POLR1E: variants seen among roughly 807,000 people sequenced by gnomAD.
The protein encoded by POLR1E is DNA-directed RNA polymerase I subunit RPA49.
A neutral mutation model predicts 50.9 loss-of-function variants in POLR1E; 37 were observed. That is an observed-to-expected ratio of 0.73 (90% CI 0.56 to 0.96). The LOEUF (loss-of-function observed/expected upper bound fraction) is 0.96. POLR1E is among the 40% of genes least tolerant of loss of function. POLR1E has a pLI of 0.00. For missense variants in POLR1E, 426 were observed against 518.1 expected (o/e 0.82, Z 1.73); for synonymous variants, 166 against 191.6 (o/e 0.87, Z 1.10).
intron 1 of POLR1E, chr9:37,486,408 C>T (rs913027905): frequency 6.6e-7 from 1 of 1,520,344 alleles, no homozygotes; most frequent in Non-Finnish European, 8.8e-7. Flanking sequence ...TCCCTCTCTT[C>T]ACTGGGCAGG....
chr9:37,500,295 C>T (rs1455681005), intron 9 of POLR1E, among the ~76,000 whole-genome samples: 2 of 151,954 alleles, frequency 1.3e-5, no homozygotes, highest in Admixed American at 6.6e-5. Context: ...AGCAATTGTC[C>T]TGCCTCAGCC....
Position 37,486,757 on chromosome 9 carries a change from A to G in POLR1E, c.131A>G (p.Tyr44Cys). ...CCAGGCAACATGCGCTTTACCTTGT[A>G]TGAGAACAAAGATTCCACCAACCCC... Reference protein sequence around the residue: ...QSPGNMRFTLYENKDSTNPRK... With the variant: ...QSPGNMRFTLCENKDSTNPRK... The change falls in exon 2 of 12, where the codon TAT becomes TGT. Residue 44 changes from tyrosine to cysteine, a missense_variant. Tyr to Cys is a radical substitution (Grantham distance 194, BLOSUM62 -2). Coordinates refer to ENST00000377798, the MANE Select transcript of POLR1E (RefSeq NM_022490.4). The G allele has an allele frequency of 1.2e-6, 2 of 1,614,146 alleles. No individual in the cohort carries two copies. Among genetic ancestry groups the G allele is most frequent in the Non-Finnish European group, 8.5e-7 (1 of 1,180,034 alleles).
intron 8 of POLR1E, 30 bp downstream of exon 8, chr9:37,496,016 G>A (rs367830004): frequency 1.3e-6 from 2 of 1,561,128 alleles, no homozygotes; most frequent in Admixed American, 3.3e-5. Flanking sequence ...TGGGGATTCT[G>A]GGGAGTGCTG....
chr9:37,486,600 A>C, intron 1 of POLR1E, 103 bp from the exon 2 acceptor site: 1 of 1,613,480 alleles, frequency 6.2e-7, no homozygotes, highest in African/African-American at 1.3e-5. Flanking sequence ...TGCCATCCCC[A>C]TTCTGACACT....
chr9:37,488,506 C>G (rs937956016), intron 3 of POLR1E, among the ~76,000 whole-genome samples: 4 of 151,462 alleles, frequency 2.6e-5, no homozygotes, highest in African/African-American at 9.7e-5. Flanking sequence ...ACAAACTAGG[C>G]CCTTTCTGAG....
chr9:37,500,754 G>C (rs1017561684), intron 9 of POLR1E, 86 bp from the exon 10 acceptor site: 7 of 1,043,856 alleles, frequency 6.7e-6, no homozygotes, highest in African/African-American at 3.1e-5. Flanking sequence ...CAGTGGCCCA[G>C]CTGTTGGCCT....
intron 4 of POLR1E, chr9:37,490,551 T>A (rs947161751): frequency 1.4e-6 from 1 of 731,944 alleles, no homozygotes; most frequent in African/African-American, 1.7e-5. Context: ...CTCTTTTGCT[T>A]CTGTCTTTTT....
chr9:37,486,656 T>G, intron 1 of POLR1E, 47 bp from the exon 2 acceptor site: 1 of 1,614,212 alleles, frequency 6.2e-7, no homozygotes, highest in Non-Finnish European at 8.5e-7. Context: ...TGTGGTACAT[T>G]GTGTGGCCTT....
chr9:37,489,220 A>G (rs1820633905), intron 3 of POLR1E, 95 bp from the exon 4 acceptor site: 6 of 959,114 alleles, frequency 6.3e-6, no homozygotes, highest in Non-Finnish European at 7.6e-6. Flanking sequence ...CCTGGGTGAC[A>G]GCAAGACTCT....
chr9:37,503,417 AG>A lies in POLR1E; in HGVS notation c.*217del. On this transcript the variant is annotated 3_prime_UTR_variant, in exon 12 of 12. Transcript: ENST00000377798. ...CATAGGGAGACCCCATCTCTACCGGAGGAAAAAAAAAAGAGTCAGGCCTGGT... is the reference window on the plus strand; with the variant it reads ...CATAGGGAGACCCCATCTCTACCGGAGAAAAAAAAAAGAGTCAGGCCTGGT... The A allele has an allele frequency of 2.4e-6, 1 of 421,396 alleles. No homozygotes were observed. 26.1% of individuals were successfully genotyped at this position (421,396 alleles called of 1,614,324 possible).
Position 37,495,880 on chromosome 9 carries a change from C to T in POLR1E, c.656-10C>T, listed in dbSNP as rs1455835053. 1 of 1,599,644 alleles carries T rather than the reference C, an allele frequency of 6.3e-7. No homozygotes were observed. On this transcript the variant is annotated splice_polypyrimidine_tract_variant and intron_variant, in intron 7 of 11. Transcript: ENST00000377798. ...ATTTTGGTTGGATTATATTCTTGAC[C>T]TGTAACTAGTTCTTTCCCCTGCGGA...
intron 4 of POLR1E, chr9:37,491,032 A>C (rs1820673426): frequency 3.9e-6 from 1 of 257,144 alleles, no homozygotes; most frequent in Non-Finnish European, 7.6e-6. Context: ...AGTAACTTTC[A>C]CGTTGAGGAC....
chr9:37,492,147 C>A, intron 4 of POLR1E: 1 of 645,500 alleles, frequency 1.5e-6, no homozygotes, highest in Non-Finnish European at 2.2e-6. Context: ...GGGGTGATGG[C>A]TGAGATAACA....
At chr9:37,490,001 C>T (rs1203931379) in intron 4 of POLR1E, among the ~76,000 whole-genome samples, 1 of 148,830 alleles carries the variant, frequency 6.7e-6, no homozygotes, top group African/African-American at 2.5e-5. Flanking sequence ...GACTTGAGGT[C>T]AGAGGTTCAT....
At chr9:37,487,597 G>C (rs574888027) in intron 2 of POLR1E, among the ~76,000 whole-genome samples, 15 of 152,274 alleles carry the variant, frequency 9.9e-5, no homozygotes, top group East Asian at 7.7e-4. Flanking sequence ...CTCAAGTCTT[G>C]TGGCAGAATT....
chr9:37,488,265 CT>C (rs1820613534), intron 3 of POLR1E, among the ~76,000 whole-genome samples: 1 of 152,172 alleles, frequency 6.6e-6, no homozygotes, highest in Non-Finnish European at 1.5e-5. Context: ...TACCTGGGAA[CT>C]AACGACAGGT....
chr9:37,494,034 C>T (rs896004339), intron 6 of POLR1E, among the ~76,000 whole-genome samples: 3 of 152,130 alleles, frequency 2.0e-5, no homozygotes, highest in African/African-American at 7.2e-5. Context: ...AAGCTTTGGT[C>T]AAAAAGGCTG....
At position 37,498,147 on chromosome 9, in the gene POLR1E, G is replaced by A. The variant is rs759153518; in HGVS notation, c.809G>A (p.Arg270Gln). The change falls in exon 9 of 12, where the codon CGA (arginine) becomes CAA (glutamine). Residue 270 changes from arginine to glutamine, a missense_variant. Transcript: ENST00000377798. ...TCTTTGCCATCAGATGTGGAGAGCC[G>A]AGACCGCCAGGCCCGATGCATATGG... ...LKSLPSDVES[R>Q]DRQARCIWFL... 8.7e-6 allele frequency: 14 copies of A among 1,614,014 alleles called. No individual in the cohort carries two copies. Among genetic ancestry groups the A allele is most frequent in the East Asian group, 4.5e-5 (2 of 44,884 alleles).
In POLR1E at chr9:37,492,233, G is replaced by A. The variant is rs1178253187; in HGVS notation, c.344-424G>A. The A allele has an allele frequency of 7.0e-6, 9 of 1,285,770 alleles. No homozygotes were observed. In the African/African-American group the frequency reaches 1.4e-4, roughly 20 times the overall value. 79.6% of individuals were successfully genotyped at this position (1,285,770 alleles called of 1,614,324 possible). On this transcript the variant is annotated intron_variant, in intron 4 of 11. Coordinates refer to ENST00000377798, the MANE Select transcript of POLR1E (RefSeq NM_022490.4). ...TTATTTGAGTACTTTGTAGATGATT[G>A]GAGAGCATCGGTAAGTACCACATAC...
Sources: gnomAD v4.1 joint callset for allele counts (sites outside exome capture counted in the v4.1 genomes callset) on GRCh38, gnomAD v4.1.1 for gene constraint, MANE v1.5 for transcripts, NCBI Gene and HGNC (gene_info 2026-07-23, HGNC 2026-07-21) for gene names.